The following EPHA6 variants were observed in gnomAD, a reference collection of about 807,000 sequenced individuals.
EPHA6 encodes ephrin type-A receptor 6.
A neutral mutation model predicts 112.0 loss-of-function variants in EPHA6; 50 were observed. The ratio of observed to expected loss-of-function variants is 0.45; its 90% confidence interval spans 0.36 to 0.56. The LOEUF (loss-of-function observed/expected upper bound fraction) is 0.56, where lower values mean the gene tolerates loss of function less well. EPHA6 is among the 20% of genes least tolerant of loss of function. The probability of loss-of-function intolerance (pLI) is 0.00; values close to 1 mark genes in which losing one functional copy is unlikely to be tolerated. For missense variants in EPHA6, 1,280 were observed against 1,417.4 expected (o/e 0.90, Z 1.56); for synonymous variants, 529 against 490.7 (o/e 1.08, Z -1.03).
intron 5 of EPHA6, among the ~76,000 whole-genome samples, chr3:97,329,930 C>G (rs2082698014): frequency 6.6e-6 from 1 of 152,004 alleles, no homozygotes; most frequent in African/African-American, 2.4e-5. Context: ...AGGTTTTCTT[C>G]TAGGGTTTTT....
chr3:97,574,905 A>G (rs1575937540), intron 11 of EPHA6, among the ~76,000 whole-genome samples: 1 of 152,056 alleles, frequency 6.6e-6, no homozygotes, highest in Middle Eastern at 3.2e-3. Context: ...AAAGCTACCT[A>G]TTGGGTACTA....
At chr3:97,615,072 C>G (rs1396463890) in intron 13 of EPHA6, among the ~76,000 whole-genome samples, 1 of 152,108 alleles carries the variant, frequency 6.6e-6, no homozygotes, top group Non-Finnish European at 1.5e-5. Flanking sequence ...AGTACTTGCA[C>G]TGGGACTGAT....
At chr3:96,994,787 A>AAT (rs1227107026) in intron 3 of EPHA6, among the ~76,000 whole-genome samples, 4 of 141,792 alleles carry the variant, frequency 2.8e-5, no homozygotes, top group Non-Finnish European at 6.1e-5. Context: ...ACAGGCTGAG[A>AAT]ATATGTGTGT....
intron 3 of EPHA6, among the ~76,000 whole-genome samples, chr3:97,083,503 CA>C (rs779674661): frequency 1.5e-4 from 23 of 151,994 alleles, no homozygotes; most frequent in Admixed American, 2.0e-4. Flanking sequence ...TGACATATGG[CA>C]GACCAAGACT....
At chr3:97,122,151 TA>T (rs2048059966) in intron 3 of EPHA6, among the ~76,000 whole-genome samples, 1 of 152,070 alleles carries the variant, frequency 6.6e-6, no homozygotes, top group African/African-American at 2.4e-5. Flanking sequence ...AGAATTACTA[TA>T]AAATTCACAC....
intron 14 of EPHA6, chr3:97,646,135 A>G (rs1327569684): frequency 6.5e-7 from 1 of 1,529,170 alleles, no homozygotes. Context: ...ACAAATCACA[A>G]CAAAGAGCAA....
rs899329994 is a variant in EPHA6, at chr3:96,860,732, G to A, written c.386-6093G>A. Among the ~76,000 whole-genome samples, 3 of 152,018 alleles carry A rather than the reference G, an allele frequency of 2.0e-5. No homozygotes were observed. In the East Asian group the frequency reaches 5.8e-4, roughly 29 times the overall value. On this transcript the variant is annotated intron_variant, in intron 1 of 17. Transcript: ENST00000389672. ...GACTCGCAACATTTATTAAATATAA[G>A]ACTAGAAAATCTAAGACTATAGCCA...
At chr3:97,281,316 A>T (rs1158991167) in intron 5 of EPHA6, among the ~76,000 whole-genome samples, 1 of 152,152 alleles carries the variant, frequency 6.6e-6, no homozygotes, top group Admixed American at 6.6e-5. Flanking sequence ...CAGTTAATTT[A>T]TAACTTCTTT....
chr3:97,558,992 G>A (rs1358422391), intron 11 of EPHA6, among the ~76,000 whole-genome samples: 1 of 151,984 alleles, frequency 6.6e-6, no homozygotes, highest in African/African-American at 2.4e-5. Flanking sequence ...AGACATGCAT[G>A]CAGTTAAGAA....
chr3:97,539,955 A>C (rs952168380), intron 11 of EPHA6, among the ~76,000 whole-genome samples: 8 of 152,178 alleles, frequency 5.3e-5, no homozygotes, highest in African/African-American at 1.9e-4. Context: ...GAACCTGGAG[A>C]TCATGACAGA....
intron 5 of EPHA6, among the ~76,000 whole-genome samples, chr3:97,273,349 A>C (rs2108645780): frequency 6.6e-6 from 1 of 152,292 alleles, no homozygotes; most frequent in Admixed American, 6.5e-5. Context: ...CGGCAGTGTA[A>C]ACAAGAGCAG....
intron 3 of EPHA6, among the ~76,000 whole-genome samples, chr3:97,179,799 GC>G (rs541205166): frequency 7.8e-5 from 11 of 140,960 alleles, no homozygotes; most frequent in Non-Finnish European, 1.7e-4. Context: ...TGTTACAATT[GC>G]TTCTATGGCC....
At chr3:97,336,708 CAT>C (rs750964539) in intron 5 of EPHA6, among the ~76,000 whole-genome samples, 1 of 152,090 alleles carries the variant, frequency 6.6e-6, no homozygotes, top group African/African-American at 2.4e-5. Flanking sequence ...ATCCAGGAAT[CAT>C]AATTCTATTG....
intron 3 of EPHA6, among the ~76,000 whole-genome samples, chr3:97,081,720 T>G (rs2046726294): frequency 6.6e-6 from 1 of 151,594 alleles, no homozygotes; most frequent in South Asian, 2.1e-4. Context: ...AAAGAAAAGA[T>G]AAAATAATCT....
chr3:97,755,688 T>C lies in EPHA6; in HGVS notation c.*6987T>C, dbSNP rs1287002475. Among the ~76,000 whole-genome samples, 1 of 152,160 alleles carries C rather than the reference T, an allele frequency of 6.6e-6. No homozygotes were observed. Among genetic ancestry groups the C allele is most frequent in the African/African-American group, 2.4e-5 (1 of 41,480 alleles). ...CCATTCAATTTGTATATTTAGGTAT[T>C]AGTAACTGAGGATAGATATCTTTGT... On this transcript the variant is annotated 3_prime_UTR_variant, in exon 18 of 18. Transcript: ENST00000389672.
chr3:97,306,439 G>A (rs2081323870), intron 5 of EPHA6, among the ~76,000 whole-genome samples: 1 of 151,678 alleles, frequency 6.6e-6, no homozygotes, highest in Admixed American at 6.6e-5. Context: ...CCCCAGCAGG[G>A]AGAAATGGAA....
chr3:97,474,125 A>G (rs569264152), intron 7 of EPHA6, among the ~76,000 whole-genome samples: 146 of 151,944 alleles, frequency 9.6e-4, no homozygotes, highest in African/African-American at 3.4e-3. Flanking sequence ...GAATGCTATT[A>G]CTCTGGATAT....
chr3:96,930,693 C>T (rs1576071788), intron 2 of EPHA6, among the ~76,000 whole-genome samples: 1 of 152,022 alleles, frequency 6.6e-6, no homozygotes, highest in African/African-American at 2.4e-5. Flanking sequence ...CAGTAACCTG[C>T]TTAAAATAAG....
At position 97,760,639 on chromosome 3, in the gene EPHA6, C is replaced by A. The variant is rs1366075091; in HGVS notation, c.*11938C>A. The A allele has an allele frequency of 2.8e-5, 5 of 179,778 alleles. No individual in the cohort carries two copies. Among genetic ancestry groups the A allele is most frequent in the African/African-American group, 1.2e-4 (5 of 42,304 alleles). The allele number at this position is 179,778 out of a possible 1,614,324, so 11.1% of individuals were successfully genotyped here. A position where few individuals can be genotyped will look rare whatever the true frequency, so the allele number is the denominator to read the frequency against. The stretch of plus-strand genomic sequence containing the variant: ...AATTTTAAATGGTAGATGATATCAA[C>A]AATTGCAGTGCACTCAAAATGTTAT... On this transcript the variant is annotated 3_prime_UTR_variant, in exon 18 of 18. Transcript: ENST00000389672.
Sources: allele counts gnomAD v4.1 joint callset (sites outside exome capture counted in the v4.1 genomes callset), GRCh38; gene constraint gnomAD v4.1.1; transcripts MANE v1.5; gene names NCBI Gene and HGNC (gene_info 2026-07-23, HGNC 2026-07-21).